Variants in MYBL2 observed in about 807,000 individuals in gnomAD.
MYBL2 encodes the protein MYB proto-oncogene like 2, also known as myb-related protein B.
In MYBL2, 28 loss-of-function variants were observed where a neutral mutation model predicts 79.9. That is an observed-to-expected ratio of 0.35 (90% confidence interval 0.26 to 0.48). The LOEUF is 0.48. Ranked by LOEUF, MYBL2 falls within the 20% of genes least tolerant of loss-of-function variation. The pLI, the probability that MYBL2 is intolerant of heterozygous loss-of-function variation, is 0.99. For synonymous variants in MYBL2, 378 were observed against 361.2 expected (o/e 1.05, Z -0.53); for missense variants, 735 against 893.9 (o/e 0.82, Z 2.27).
chr20:43,681,490 C>G (rs775973283), intron 2 of MYBL2, among the ~76,000 whole-genome samples: 1 of 152,168 alleles, frequency 6.6e-6, no homozygotes, highest in Non-Finnish European at 1.5e-5. Context: ...GGAACCTGTC[C>G]CTTAGTGTCC....
At chr20:43,710,475 G>A (rs1329108722) in intron 10 of MYBL2, among the ~76,000 whole-genome samples, 1 of 152,182 alleles carries the variant, frequency 6.6e-6, no homozygotes, top group African/African-American at 2.4e-5. Context: ...AAGCCCCTCG[G>A]GGACGTCTTT....
intron 1 of MYBL2, among the ~76,000 whole-genome samples, chr20:43,669,886 G>T (rs184339006): frequency 6.6e-6 from 1 of 152,316 alleles, no homozygotes; most frequent in East Asian, 1.9e-4. Context: ...AGCACTTTGG[G>T]AGGCCAAGAG....
chr20:43,715,279 C>T lies in MYBL2; in HGVS notation c.1970C>T (p.Ala657Val), dbSNP rs370334812. 21 of 1,614,210 alleles carry T rather than the reference C, an allele frequency of 1.3e-5. No individual in the cohort carries two copies. The highest frequency in any genetic ancestry group is 1.7e-5 in the Non-Finnish European group (20 of 1,180,048). The change falls in exon 13 of 14, where the codon GCC (alanine) becomes GTC (valine). Residue 657 changes from alanine to valine, a missense_variant. Physicochemically the swap from Ala to Val is moderately conservative, Grantham distance 64 (BLOSUM62 0). Around this residue, in one of 5 missense-constraint regions of MYBL2, gnomAD observed 204 missense variants for 202.9 expected, o/e 1.01. Transcript: ENST00000217026. ...CCCCGAAGCCACTTCACGACACCTG[C>T]CCCTGTGAGTGCTGTGGCCATCTCT... ...QKPRSHFTTP[A>V]PMSSAWKTVA... is the part of the protein sequence containing the mutation.
chr20:43,693,427 C>T (rs935049422), intron 6 of MYBL2, among the ~76,000 whole-genome samples: 2 of 152,124 alleles, frequency 1.3e-5, no homozygotes, highest in African/African-American at 4.8e-5. Flanking sequence ...CAACCTCCGC[C>T]TCCCAGGTTA....
At chr20:43,682,501 G>A (rs1337652505) in intron 3 of MYBL2, among the ~76,000 whole-genome samples, 1 of 152,214 alleles carries the variant, frequency 6.6e-6, no homozygotes, top group Non-Finnish European at 1.5e-5. Context: ...AAAAAGCAGG[G>A]GTCCCTGACG....
chr20:43,713,559 G>A (rs1987962009), intron 12 of MYBL2, among the ~76,000 whole-genome samples: 1 of 151,966 alleles, frequency 6.6e-6, no homozygotes, highest in Non-Finnish European at 1.5e-5. Flanking sequence ...GGCTAATTTT[G>A]TATCTTTAGT....
At chr20:43,715,873 C>T in intron 13 of MYBL2, 86 bp from the exon 14 acceptor site, 1 of 1,490,320 alleles carries the variant, frequency 6.7e-7, no homozygotes, top group African/African-American at 1.4e-5. Flanking sequence ...AGGCTTATAA[C>T]TCTACCCTTC....
At chr20:43,667,438 C>A in intron 1 of MYBL2, 135 bp downstream of exon 1, 1 of 601,368 alleles carries the variant, frequency 1.7e-6, no homozygotes, top group Non-Finnish European at 2.3e-6. Flanking sequence ...GGTGTTTCCG[C>A]GGAAATGCTG....
At chr20:43,706,056 C>T (rs2145731283) in intron 9 of MYBL2, among the ~76,000 whole-genome samples, 1 of 151,818 alleles carries the variant, frequency 6.6e-6, no homozygotes, top group South Asian at 2.1e-4. Context: ...CTTGAACTGG[C>T]CTTAAAGTGA....
intron 6 of MYBL2, among the ~76,000 whole-genome samples, chr20:43,696,687 T>C (rs1455486814): frequency 2.6e-5 from 4 of 152,300 alleles, no homozygotes; most frequent in African/African-American, 9.6e-5. Context: ...GCTATAATGA[T>C]CATCATTGTT....
chr20:43,705,366 C>T lies in MYBL2; in HGVS notation c.1505+8C>T. On this transcript the variant is annotated splice_region_variant and intron_variant, in intron 9 of 13. Coordinates refer to ENST00000217026, the MANE Select transcript of MYBL2 (RefSeq NM_002466.4). Reference sequence around the variant, plus strand: ...GCACCAGAAACATGCTGCGTGAGTGCTGCAGTGCCCCCAACCTTCGCCGTC... The same window carrying T: ...GCACCAGAAACATGCTGCGTGAGTGTTGCAGTGCCCCCAACCTTCGCCGTC... The T allele has an allele frequency of 6.3e-7, 1 of 1,598,992 alleles. No homozygotes were observed. The highest frequency in any genetic ancestry group is 8.5e-7 in the Non-Finnish European group (1 of 1,170,912).
At chr20:43,679,665 C>T (rs181190629) in intron 2 of MYBL2, among the ~76,000 whole-genome samples, 8 of 152,084 alleles carry the variant, frequency 5.3e-5, no homozygotes, top group African/African-American at 1.4e-4. Flanking sequence ...CCTGTAATCC[C>T]AGCACTTTGG....
intron 6 of MYBL2, among the ~76,000 whole-genome samples, chr20:43,694,071 G>T (rs112699202): frequency 0.013 from 1,950 of 151,644 alleles, 48 homozygotes; most frequent in African/African-American, 0.045. Context: ...GGTGGCTCAC[G>T]CCTGTAATTG....
At chr20:43,671,812 A>AT (rs1231860652) in intron 1 of MYBL2, among the ~76,000 whole-genome samples, 1 of 151,398 alleles carries the variant, frequency 6.6e-6, no homozygotes, top group Middle Eastern at 3.4e-3. Context: ...AAATACGAGG[A>AT]TTTTTTGGAG....
chr20:43,672,187 G>A (rs1433194520), intron 1 of MYBL2, among the ~76,000 whole-genome samples: 2 of 6,792 alleles, frequency 2.9e-4, no homozygotes, highest in Non-Finnish European at 1.3e-3. Context: ...CTCTAGCCTG[G>A]GTGACAGAGT....
intron 9 of MYBL2, among the ~76,000 whole-genome samples, chr20:43,708,868 C>G (rs1250991986): frequency 6.6e-6 from 1 of 152,192 alleles, no homozygotes; most frequent in Non-Finnish European, 1.5e-5. Flanking sequence ...GTGGTTTGAA[C>G]TGTAAGATGT....
intron 4 of MYBL2, among the ~76,000 whole-genome samples, chr20:43,684,066 C>T (rs958936196): frequency 3.0e-4 from 45 of 152,004 alleles, no homozygotes; most frequent in African/African-American, 1.1e-3. Context: ...GTAGCTGGTG[C>T]CACATGTGCC....
At chr20:43,712,202 C>T (rs560989275) in intron 11 of MYBL2, among the ~76,000 whole-genome samples, 1 of 152,210 alleles carries the variant, frequency 6.6e-6, no homozygotes, top group South Asian at 2.1e-4. Context: ...CCCACTGCGT[C>T]GTTAGCTTTC....
rs111595437 is a variant in MYBL2, at chr20:43,700,080, A to T, written c.951+36A>T. On this transcript the variant is annotated intron_variant, in intron 7 of 13. Coordinates refer to ENST00000217026, the MANE Select transcript of MYBL2 (RefSeq NM_002466.4). ...CACAACACTTCACAGTGAGCACAGAACACCCCCAGCAGGAAGTGCTTCTCT... is the reference window on the plus strand; with the variant it reads ...CACAACACTTCACAGTGAGCACAGATCACCCCCAGCAGGAAGTGCTTCTCT... 1.0e-4 allele frequency: 163 copies of T among 1,598,722 alleles called. No individual in the cohort carries two copies. The East Asian group carries it at 3.4e-3, about 33-fold the overall frequency.
Sources: gnomAD v4.1 joint callset for allele counts (sites outside exome capture counted in the v4.1 genomes callset) on GRCh38, gnomAD v4.1.1 for gene constraint, gnomAD v4.1.1 regional missense constraint, MANE v1.5 for transcripts, NCBI Gene and HGNC (gene_info 2026-07-23, HGNC 2026-07-21) for gene names.